Variants in OTUD7A observed in about 807,000 individuals in gnomAD.
OTUD7A encodes the protein OTU domain-containing protein 7A.
In OTUD7A, 12 loss-of-function variants were observed where a neutral mutation model predicts 65.7. The observed-to-expected ratio is 0.18, with a 90% CI of 0.12 to 0.30. OTUD7A has a LOEUF of 0.30. Ranked by LOEUF, OTUD7A falls within the 10% of genes least tolerant of loss-of-function variation. OTUD7A has a pLI of 1.00. For missense variants in OTUD7A, 1,148 were observed against 1,304.8 expected (o/e 0.88, Z 1.85); for synonymous variants, 641 against 586.3 (o/e 1.09, Z -1.35).
chr15:31,784,785 T>C (rs1474481589), intron 1 of OTUD7A, among the ~76,000 whole-genome samples: 2 of 152,186 alleles, frequency 1.3e-5, no homozygotes, highest in African/African-American at 4.8e-5. Context: ...GTGCTTGAAA[T>C]GTTTCACAAT....
intron 6 of OTUD7A, among the ~76,000 whole-genome samples, chr15:31,528,212 C>T (rs759832915): frequency 2.6e-5 from 4 of 152,082 alleles, no homozygotes; most frequent in East Asian, 3.9e-4. Context: ...GGCAGCCCCA[C>T]GAGGAGAGGT....
At chr15:31,725,682 G>A (rs1284283375) in intron 1 of OTUD7A, among the ~76,000 whole-genome samples, 1 of 152,178 alleles carries the variant, frequency 6.6e-6, no homozygotes, top group Admixed American at 6.5e-5. Context: ...AGCTACACGT[G>A]GCTCTGTAAC....
intron 1 of OTUD7A, among the ~76,000 whole-genome samples, chr15:31,719,590 T>C (rs1893680624): frequency 6.6e-6 from 1 of 152,132 alleles, no homozygotes; most frequent in Non-Finnish European, 1.5e-5. Context: ...GCACCGTCAT[T>C]CCTCCCTTGC....
intron 1 of OTUD7A, among the ~76,000 whole-genome samples, chr15:31,671,914 C>T (rs1976457): frequency 6.6e-6 from 1 of 152,162 alleles, no homozygotes; most frequent in Non-Finnish European, 1.5e-5. Flanking sequence ...TCCTCATCCT[C>T]TTCCCACCCT....
rs1242009203 is a variant in OTUD7A at position 31,478,892 on chromosome 15, C to A, written c.*4402G>T. On this transcript the variant is annotated 3_prime_UTR_variant, in exon 13 of 13. Coordinates refer to ENST00000307050, the MANE Select transcript of OTUD7A (RefSeq NM_001382637.1). Reference sequence around the variant, plus strand: ...CCTCTCTATCGTGAACTACCCAGGACCCACTCCCGAGTCAGTGAGGCAGCA... The same window carrying A: ...CCTCTCTATCGTGAACTACCCAGGAACCACTCCCGAGTCAGTGAGGCAGCA... 2.0e-5 allele frequency: 3 copies of A among 152,408 alleles called. No individual in the cohort carries two copies. The highest frequency in any genetic ancestry group is 6.5e-5 in the Admixed American group (1 of 15,274). 9.4% of individuals were successfully genotyped at this position (152,408 alleles called of 1,614,324 possible). A position where few individuals can be genotyped will look rare whatever the true frequency, so the allele number is the denominator to read the frequency against.
chr15:31,812,384 G>T (rs1896442413), intron 1 of OTUD7A, among the ~76,000 whole-genome samples: 1 of 152,172 alleles, frequency 6.6e-6, no homozygotes, highest in Non-Finnish European at 1.5e-5. Context: ...GAGGTAATTT[G>T]AATGTGAAAA....
At chr15:31,818,062 A>G (rs1440702050) in intron 1 of OTUD7A, among the ~76,000 whole-genome samples, 7 of 152,078 alleles carry the variant, frequency 4.6e-5, no homozygotes, top group South Asian at 2.1e-4. Context: ...TCTCCCCCCA[A>G]CTGAGGAAAC....
At chr15:31,690,426 G>T (rs1244196880) in intron 1 of OTUD7A, among the ~76,000 whole-genome samples, 1 of 152,002 alleles carries the variant, frequency 6.6e-6, no homozygotes, top group African/African-American at 2.4e-5. Context: ...TAATGCAAAA[G>T]AACAGAATCA....
intron 1 of OTUD7A, among the ~76,000 whole-genome samples, chr15:31,722,299 C>T (rs977037822): frequency 2.6e-5 from 4 of 152,182 alleles, no homozygotes; most frequent in Admixed American, 1.3e-4. Flanking sequence ...CCTGCCACAG[C>T]TCCCATCTAG....
chr15:31,690,776 TAACTAA>T (rs1251215939), intron 1 of OTUD7A, among the ~76,000 whole-genome samples: 1 of 152,032 alleles, frequency 6.6e-6, no homozygotes, highest in Non-Finnish European at 1.5e-5. Flanking sequence ...ATGCAAAAAT[TAACTAA>T]AAATGGATCA....
chr15:31,701,731 T>C (rs1295488657), intron 1 of OTUD7A, among the ~76,000 whole-genome samples: 4 of 152,028 alleles, frequency 2.6e-5, no homozygotes, highest in Non-Finnish European at 5.9e-5. Context: ...CATTTAAATA[T>C]GAATTAACAC....
intron 1 of OTUD7A, among the ~76,000 whole-genome samples, chr15:31,805,624 A>G (rs1255424983): frequency 2.6e-5 from 4 of 152,172 alleles, no homozygotes; most frequent in Admixed American, 2.6e-4. Flanking sequence ...AAAATCTAAG[A>G]CCCACTGACA....
At chr15:31,798,723 A>G (rs1164376477) in intron 1 of OTUD7A, among the ~76,000 whole-genome samples, 1 of 152,168 alleles carries the variant, frequency 6.6e-6, no homozygotes, top group Non-Finnish European at 1.5e-5. Flanking sequence ...CTTATAACAG[A>G]GCAAACAGCA....
In OTUD7A at chr15:31,483,481, G is replaced by T. The variant is rs1170425096; in HGVS notation, c.2615C>A (p.Ala872Asp). The change falls in exon 13 of 13, where the codon GCC becomes GAC. Residue 872 changes from alanine (A) to aspartate (D), a missense_variant. Ala to Asp is a moderately radical substitution (Grantham distance 126, BLOSUM62 -2). Transcript: ENST00000307050. Reference sequence around the variant, plus strand: ...GCGCGCGGTCGGCGCGTCGGCGTCGGCGAACTCCAGGCCGTCGCGCAGGGC... The same window carrying T: ...GCGCGCGGTCGGCGCGTCGGCGTCGTCGAACTCCAGGCCGTCGCGCAGGGC... ...FGALRDGLEF[A>D]DADAPTARSN... 7.2e-7 allele frequency: 1 copy of T among 1,393,554 alleles called. No homozygotes were observed. Among genetic ancestry groups the T allele is most frequent in the Non-Finnish European group, 9.3e-7 (1 of 1,072,822 alleles). The allele number at this position is 1,393,554 out of a possible 1,614,324, so 86.3% of individuals were successfully genotyped here.
At chr15:31,564,114 A>AAAATGTT (rs949691647) in intron 4 of OTUD7A, among the ~76,000 whole-genome samples, 159 of 152,356 alleles carry the variant, frequency 1.0e-3, no homozygotes, top group African/African-American at 3.7e-3. Context: ...TGGGATTAAA[A>AAAATGTT]AAAATGTTAA....
At chr15:31,639,070 C>T (rs1384101804) in intron 3 of OTUD7A, among the ~76,000 whole-genome samples, 1 of 151,926 alleles carries the variant, frequency 6.6e-6, no homozygotes, top group Non-Finnish European at 1.5e-5. Context: ...GGAGGCAGAG[C>T]TTGCAGTGAG....
At chr15:31,493,475 T>C (rs2041345630) in intron 10 of OTUD7A, among the ~76,000 whole-genome samples, 1 of 152,236 alleles carries the variant, frequency 6.6e-6, no homozygotes, top group African/African-American at 2.4e-5. Context: ...ACAGAGCAAG[T>C]AGGCAGAAAC....
intron 1 of OTUD7A, among the ~76,000 whole-genome samples, chr15:31,832,612 C>T (rs921173210): frequency 6.6e-6 from 1 of 152,144 alleles, no homozygotes; most frequent in Non-Finnish European, 1.5e-5. Flanking sequence ...CACATTACCC[C>T]CCTCATCCCT....
At chr15:31,795,865 A>T (rs1394915217) in intron 1 of OTUD7A, among the ~76,000 whole-genome samples, 1 of 152,132 alleles carries the variant, frequency 6.6e-6, no homozygotes, top group East Asian at 1.9e-4. Context: ...GCAAAGAAAG[A>T]CAGCACAGGA....
Sources: gnomAD v4.1 joint callset for allele counts (sites outside exome capture counted in the v4.1 genomes callset) on GRCh38, gnomAD v4.1.1 for gene constraint, MANE v1.5 for transcripts, NCBI Gene and HGNC (gene_info 2026-07-23, HGNC 2026-07-21) for gene names.